The following CDON variants were observed in gnomAD, a reference collection of about 807,000 sequenced individuals.
CDON encodes cell adhesion associated, oncogene regulated.
A neutral mutation model predicts 120.9 loss-of-function variants in CDON; 73 were observed. That is an observed-to-expected ratio of 0.60 (90% CI 0.50 to 0.73). The LOEUF (loss-of-function observed/expected upper bound fraction) is 0.73. CDON is among the 30% of genes least tolerant of loss of function. CDON has a pLI of 0.00. For synonymous variants in CDON, 566 were observed against 573.5 expected, an observed-to-expected ratio of 0.99 and a Z score of 0.19; for missense variants, 1,470 against 1,587.3, an observed-to-expected ratio of 0.93 and a Z score of 1.26.
rs571690380 is a variant in CDON, at chr11:126,034,474, C to T, written c.-61-10937G>A. Among the ~76,000 whole-genome samples the T allele has an allele frequency of 3.1e-4, 47 of 152,178 alleles. 1 individual carries two copies. The highest frequency in any genetic ancestry group is 1.1e-3 in the African/African-American group (46 of 41,536). ...AGCTGCAACAGGAATCAATGTGGTC[C>T]TAATTACACCAAAGGAGAGGGGGCA... On this transcript the variant is annotated intron_variant, in intron 1 of 19. Transcript: ENST00000531738. The surrounding 1 kb of genome is among the most constrained non-coding windows in gnomAD (Gnocchi z 4.5).
intron 18 of CDON, among the ~76,000 whole-genome samples, chr11:125,974,374 A>T (rs1169793930): frequency 1.7e-3 from 54 of 31,908 alleles, no homozygotes; most frequent in East Asian, 0.013. Flanking sequence ...GGTAGGAAGG[A>T]AGGAAGGAAG....
intron 10 of CDON, among the ~76,000 whole-genome samples, chr11:126,002,163 T>C (rs186196781): frequency 1.0e-3 from 159 of 152,358 alleles, no homozygotes; most frequent in African/African-American, 3.6e-3. Context: ...TTTTTCTTTT[T>C]ACTGTATATA....
chr11:126,014,564 ATTTC>A (rs1454321823), intron 7 of CDON, among the ~76,000 whole-genome samples: 4 of 152,176 alleles, frequency 2.6e-5, no homozygotes, highest in African/African-American at 9.7e-5. Context: ...ATTTCTAGGA[ATTTC>A]TTTTACAAAT....
At chr11:126,022,715 C>T (rs1486620769) in intron 2 of CDON, among the ~76,000 whole-genome samples, 2 of 152,096 alleles carry the variant, frequency 1.3e-5, no homozygotes, top group Non-Finnish European at 2.9e-5. Flanking sequence ...AACCACAAAA[C>T]CAATTTTCCC....
At position 125,994,919 on chromosome 11, in the gene CDON, A is replaced by G. The variant is rs1437685247; in HGVS notation, c.2496T>C (p.Ile832=). The G allele has an allele frequency of 1.2e-6, 2 of 1,614,162 alleles. No homozygotes were observed. The highest frequency in any genetic ancestry group is 1.7e-6 in the Non-Finnish European group (2 of 1,180,008). The change falls in exon 13 of 20, where the codon ATT becomes ATC. Residue 832 remains isoleucine (I), a synonymous_variant. Coordinates refer to ENST00000531738, the MANE Select transcript of CDON (RefSeq NM_001378964.1). ...FSSRPITGPH[I]AYTEAVSDTQ... ...TATCGCTGACAGCCTCTGTGTATGC[A>G]ATGTGAGGTCCAGTTATTGGACGGC...
intron 18 of CDON, among the ~76,000 whole-genome samples, chr11:125,973,934 T>C (rs7937510): frequency 0.38 from 57,181 of 151,742 alleles, 10,893 homozygotes; most frequent in Admixed American, 0.43. Flanking sequence ...TCGCTCTTGT[T>C]GCCCAGCCTG....
intron 13 of CDON, 144 bp downstream of exon 13, chr11:125,994,723 TCTTA>T (rs1163087490): frequency 1.4e-6 from 1 of 736,098 alleles, no homozygotes; most frequent in Non-Finnish European, 2.4e-6. Flanking sequence ...AAATATGTGC[TCTTA>T]TTTAGACAAA....
At position 126,034,557 on chromosome 11, in the gene CDON, T is replaced by C. The variant is rs1052181736; in HGVS notation, c.-61-11020A>G. 3.3e-5 allele frequency among the ~76,000 whole-genome samples: 5 copies of C among 152,128 alleles called. No homozygotes were observed. The highest frequency in any genetic ancestry group is 3.3e-4 in the Admixed American group (5 of 15,264). On this transcript the variant is annotated intron_variant, in intron 1 of 19. Transcript: ENST00000531738. The surrounding 1 kb of genome is among the most constrained non-coding windows in gnomAD (Gnocchi z 4.5). ...TGTGTTTAAAAAAAAAAGTCAAGTG[T>C]TCCTGTTCCACTCTCTTTCTAAGAG...
At chr11:126,063,332 C>T (rs1948855294), upstream of CDON, 1 of 151,496 alleles carries the variant, frequency 6.6e-6, no homozygotes, top group South Asian at 2.1e-4. Context: ...ACTCTGTCCC[C>T]CGAGGCCCCG....
intron 1 of CDON, among the ~76,000 whole-genome samples, chr11:126,057,145 C>T (rs888795259): frequency 4.0e-5 from 6 of 151,878 alleles, no homozygotes; most frequent in African/African-American, 1.5e-4. Flanking sequence ...GTGAATAAAC[C>T]CAGTTCTGTG....
intron 18 of CDON, among the ~76,000 whole-genome samples, chr11:125,972,108 G>A (rs754634373): frequency 6.6e-6 from 1 of 152,204 alleles, no homozygotes; most frequent in Non-Finnish European, 1.5e-5. Flanking sequence ...GGCATTCATA[G>A]TGAGCTTTAC....
intron 13 of CDON, among the ~76,000 whole-genome samples, chr11:125,994,639 T>C (rs1308747757): frequency 7.2e-5 from 11 of 152,214 alleles, no homozygotes; most frequent in South Asian, 2.1e-4. Flanking sequence ...TGAATCATGA[T>C]GGCAATTAAG....
At chr11:126,021,135 A>C in intron 3 of CDON, 113 bp downstream of exon 3, 2 of 1,137,390 alleles carry the variant, frequency 1.8e-6, no homozygotes, top group Middle Eastern at 2.6e-4. Flanking sequence ...GCTGAGATAA[A>C]AACTCCTATA....
At chr11:125,970,719 G>C (rs1342758187) in intron 18 of CDON, among the ~76,000 whole-genome samples, 1 of 152,148 alleles carries the variant, frequency 6.6e-6, no homozygotes, top group East Asian at 1.9e-4. Context: ...CATAAAACAT[G>C]ACAGTAAATG....
intron 16 of CDON, among the ~76,000 whole-genome samples, chr11:125,982,633 G>A (rs1591563474): frequency 6.6e-6 from 1 of 152,184 alleles, no homozygotes; most frequent in African/African-American, 2.4e-5. Context: ...CTGGTATACA[G>A]AAGACGATGA....
chr11:125,989,894 T>G, intron 14 of CDON, 135 bp from the exon 15 acceptor site: 1 of 728,656 alleles, frequency 1.4e-6, no homozygotes. Flanking sequence ...AAAATGTACT[T>G]AATAGTAAGT....
rs1331488332 is a variant in CDON at position 125,961,224 on chromosome 11, C to A, written c.3632-119G>T. ...GAAAGAAAAACGAGCATAAATAGAA[C>A]CTGGTTTGTGTGTGGTTTGAATTTG... On this transcript the variant is annotated intron_variant, in intron 19 of 19. Coordinates refer to ENST00000531738, the MANE Select transcript of CDON (RefSeq NM_001378964.1). 6.5e-6 allele frequency: 6 copies of A among 920,030 alleles called. No homozygotes were observed. The East Asian group carries it at 1.6e-4, about 24-fold the overall frequency. 57.0% of individuals were successfully genotyped at this position (920,030 alleles called of 1,614,324 possible).
rs868638661 is a variant in CDON, at chr11:126,040,610, T to C, written c.-61-17073A>G. Reference sequence around the variant, plus strand: ...GTGGGCGGATCACAAGGTCAGGAGATCGAGACCATCCTGGCTAACACGGTG... The same window carrying C: ...GTGGGCGGATCACAAGGTCAGGAGACCGAGACCATCCTGGCTAACACGGTG... On this transcript the variant is annotated intron_variant, in intron 1 of 19. Coordinates refer to ENST00000531738, the MANE Select transcript of CDON (RefSeq NM_001378964.1). 3.3e-5 allele frequency among the ~76,000 whole-genome samples: 5 copies of C among 150,654 alleles called. No homozygotes were observed. In the East Asian group the frequency reaches 5.9e-4, roughly 18 times the overall value.
At chr11:126,017,502 A>C (rs775553734) in intron 5 of CDON, 127 bp from the exon 6 acceptor site, 2 of 913,752 alleles carry the variant, frequency 2.2e-6, no homozygotes, top group Non-Finnish European at 3.4e-6. Flanking sequence ...TTGGTGGTTA[A>C]ATCCTTTTTA....
Sources: allele counts gnomAD v4.1 joint callset (sites outside exome capture counted in the v4.1 genomes callset), GRCh38; gene constraint gnomAD v4.1.1; non-coding constraint Gnocchi (gnomAD v3.1); transcripts MANE v1.5; gene names NCBI Gene and HGNC (gene_info 2026-07-23, HGNC 2026-07-21).